The following ZSWIM2 variants were observed in gnomAD, a reference collection of about 807,000 sequenced individuals.
ZSWIM2 encodes E3 ubiquitin-protein ligase ZSWIM2.
A neutral mutation model predicts 48.4 loss-of-function variants in ZSWIM2; 38 were observed. The observed-to-expected ratio is 0.79, with a 90% CI of 0.61 to 1.03. ZSWIM2 has a LOEUF of 1.03. Among genes scored for constraint, ZSWIM2 ranks in the 50% least tolerant of loss-of-function variants. ZSWIM2 has a pLI of 0.00. For missense variants in ZSWIM2, 776 were observed against 730.2 expected, an observed-to-expected ratio of 1.06 and a Z score of -0.72; for synonymous variants, 240 against 251.3, an observed-to-expected ratio of 0.96 and a Z score of 0.42.
At position 186,827,972 on chromosome 2, in the gene ZSWIM2, T is replaced by C; in HGVS notation, c.*12A>G. 3 of 1,532,200 alleles carry C rather than the reference T, an allele frequency of 2.0e-6. No homozygotes were observed. The South Asian group carries it at 3.9e-5, about 20-fold the overall frequency. 94.9% of individuals were successfully genotyped at this position (1,532,200 alleles called of 1,614,324 possible). A position where few individuals can be genotyped will look rare whatever the true frequency, so the allele number is the denominator to read the frequency against. On this transcript the variant is annotated 3_prime_UTR_variant, in exon 9 of 9. Transcript: ENST00000295131. ...TATTCAACATTCAAATATTTTCAGA[T>C]AGTAAACTTTTTCACAATTGAACTC...
chr2:186,834,173 C>T, intron 5 of ZSWIM2, 143 bp from the exon 6 acceptor site: 2 of 604,696 alleles, frequency 3.3e-6, no homozygotes, highest in South Asian at 4.1e-5. Context: ...GTATTAGTTT[C>T]CTGTTGCTGC....
At chr2:186,843,745 C>T (rs980408574) in intron 3 of ZSWIM2, among the ~76,000 whole-genome samples, 24 of 151,648 alleles carry the variant, frequency 1.6e-4, no homozygotes, top group African/African-American at 5.5e-4. Context: ...ACTGGAAATA[C>T]TGGTCTGCTG....
chr2:186,832,919 TG>T (rs1424004128), intron 7 of ZSWIM2, among the ~76,000 whole-genome samples, 200 bp downstream of exon 7: 1 of 152,128 alleles, frequency 6.6e-6, no homozygotes, highest in East Asian at 1.9e-4. Context: ...ACATAGCCAA[TG>T]TGTAGTTGAA....
rs1691965777 is a variant in ZSWIM2 at position 186,844,745 on chromosome 2, T to G, written c.255A>C (p.Lys85Asn). The change falls in exon 3 of 9, where the codon AAA becomes AAC. Residue 85 changes from lysine to asparagine, a missense_variant. Lys to Asn is a moderately conservative substitution (Grantham distance 94). Transcript: ENST00000295131. ...CATGGTTCCTTGGAAGCTTGAATTTTTTCAACAAGACCCTAACATTCACAA... is the reference window on the plus strand; with the variant it reads ...CATGGTTCCTTGGAAGCTTGAATTTGTTCAACAAGACCCTAACATTCACAA... ...LCKHICWVLL[K>N]KFKLPRNHES... 4 of 1,565,054 alleles carry G rather than the reference T, an allele frequency of 2.6e-6. No homozygotes were observed. In the African/African-American group the frequency reaches 5.6e-5, roughly 22 times the overall value.
chr2:186,834,297 G>C (rs555869014), intron 5 of ZSWIM2, among the ~76,000 whole-genome samples: 1 of 152,244 alleles, frequency 6.6e-6, no homozygotes, highest in African/African-American at 2.4e-5. Flanking sequence ...GGTTGGCAGG[G>C]CTGTGTTACT....
At chr2:186,831,058 T>G (rs1325060216) in intron 7 of ZSWIM2, among the ~76,000 whole-genome samples, 1 of 152,164 alleles carries the variant, frequency 6.6e-6, no homozygotes, top group Non-Finnish European at 1.5e-5. Flanking sequence ...TATCCTGAAA[T>G]TCTCTTACTT....
At position 186,839,569 on chromosome 2, in the gene ZSWIM2, G is replaced by A. The variant is rs988326959; in HGVS notation, c.284-400C>T. On this transcript the variant is annotated intron_variant, in intron 3 of 8. Transcript: ENST00000295131. ...ATACATGAGGAGGAAACTGATATCCGAGTAGCTACTGTAATTATTTGTTAG... is the reference window on the plus strand; with the variant it reads ...ATACATGAGGAGGAAACTGATATCCAAGTAGCTACTGTAATTATTTGTTAG... Among the ~76,000 whole-genome samples the A allele has an allele frequency of 6.6e-5, 10 of 151,598 alleles. No homozygotes were observed. In the East Asian group the frequency reaches 9.6e-4, roughly 15 times the overall value.
At chr2:186,846,269 C>G (rs1413114619) in intron 2 of ZSWIM2, among the ~76,000 whole-genome samples, 2 of 151,830 alleles carry the variant, frequency 1.3e-5, no homozygotes, top group African/African-American at 4.8e-5. Flanking sequence ...CTATAAGGAA[C>G]TGAAACAACT....
intron 2 of ZSWIM2, among the ~76,000 whole-genome samples, chr2:186,846,877 C>A (rs1308598415): frequency 1.3e-5 from 2 of 150,592 alleles, no homozygotes; most frequent in Non-Finnish European, 3.0e-5. Context: ...TCTTTTGTAG[C>A]AGCATGGATG....
In ZSWIM2 at chr2:186,837,612, G is replaced by GTGTATATA. The variant is rs973596425; in HGVS notation, c.495-59_495-58insTATATACA. On this transcript the variant is annotated intron_variant, in intron 4 of 8. Coordinates refer to ENST00000295131, the MANE Select transcript of ZSWIM2 (RefSeq NM_182521.3). ...TATAGAGCAGTTTTACATATCCATT[G>GTGTATATA]TATATATATATATATATTATATATA... 1.6e-3 allele frequency: 798 copies of GTGTATATA among 488,054 alleles called. 5 individuals carry two copies. Among genetic ancestry groups the GTGTATATA allele is most frequent in the African/African-American group, 0.016 (749 of 47,168 alleles). The allele number at this position is 488,054 out of a possible 1,614,324, so 30.2% of individuals were successfully genotyped here. A position where few individuals can be genotyped will look rare whatever the true frequency, so the allele number is the denominator to read the frequency against.
At chr2:186,846,810 C>CACATATATATATATATATATATATATAT (rs1265650832) in intron 2 of ZSWIM2, among the ~76,000 whole-genome samples, 2 of 143,696 alleles carry the variant, frequency 1.4e-5, no homozygotes, top group African/African-American at 5.5e-5. Context: ...CACACACACA[C>CACATATATATATATATATATATATATAT]ATATATATAT....
At chr2:186,837,244 A>G (rs942143132) in intron 5 of ZSWIM2, 62 bp downstream of exon 5, 1 of 1,577,910 alleles carries the variant, frequency 6.3e-7, no homozygotes, top group African/African-American at 1.4e-5. Flanking sequence ...CTAATGCTCA[A>G]AGTTTCCTGA....
chr2:186,841,264 T>C lies in ZSWIM2; in HGVS notation c.284-2095A>G, dbSNP rs73037786. ...TGGTATTTTTCCTGCTTTGTGTGGC[T>C]TTCTTTCCAAAATTATAGAAATATT... On this transcript the variant is annotated intron_variant, in intron 3 of 8. Coordinates refer to ENST00000295131, the MANE Select transcript of ZSWIM2 (RefSeq NM_182521.3). Among the ~76,000 whole-genome samples the C allele has an allele frequency of 9.8e-3, 1,491 of 151,610 alleles. 26 individuals carry two copies. The highest frequency in any genetic ancestry group is 0.034 in the African/African-American group (1,419 of 41,508).
rs151315016 is a variant in ZSWIM2 at position 186,828,596 on chromosome 2, T to C, written c.1290A>G (p.Gly430=). ...CAAGTCTATTTTGTTTTAAGACTAA[T>C]CCAGTACCAGGAATAAAAAGATCTG... ...KEPDLFIPGT[G]LVLKQNRLGI... The change falls in exon 9 of 9, where the codon GGA becomes GGG. Residue 430 remains glycine, a synonymous_variant. Transcript: ENST00000295131. 114 of 1,613,056 alleles carry C rather than the reference T, an allele frequency of 7.1e-5. No individual in the cohort carries two copies. The African/African-American group carries it at 1.4e-3, about 20-fold the overall frequency.
chr2:186,830,723 G>C (rs1276033660), intron 7 of ZSWIM2, among the ~76,000 whole-genome samples: 2 of 151,970 alleles, frequency 1.3e-5, no homozygotes, highest in African/African-American at 4.8e-5. Context: ...AAAAGTACCA[G>C]CTCCATTTTT....
chr2:186,830,314 G>T (rs1012417458), intron 7 of ZSWIM2, among the ~76,000 whole-genome samples: 2 of 152,090 alleles, frequency 1.3e-5, no homozygotes, highest in Admixed American at 1.3e-4. Flanking sequence ...CCCAGGAGGT[G>T]GAGGTTGCAG....
Position 186,833,947 on chromosome 2 carries a change from T to C in ZSWIM2, c.827A>G (p.Glu276Gly), listed in dbSNP as rs754140555. 4 of 1,610,906 alleles carry C rather than the reference T, an allele frequency of 2.5e-6. No homozygotes were observed. In the African/African-American group the frequency reaches 5.4e-5, roughly 22 times the overall value. Residue 276 changes from glutamate (E) to glycine (G), a missense_variant and splice_region_variant, in exon 6 of 9, where the codon GAG (glutamate) becomes GGG (glycine). Coordinates refer to ENST00000295131, the MANE Select transcript of ZSWIM2 (RefSeq NM_182521.3). ...TTAGATTCAAGATGGATACTGTACC[T>C]CACGAAATGTAAACGTGTGGGAAAG... Reference protein sequence around the residue: ...CHLSHTFTFREKRNQKWRSLE... With the variant: ...CHLSHTFTFRGKRNQKWRSLE...
At chr2:186,838,517 T>A (rs1007909650) in intron 4 of ZSWIM2, among the ~76,000 whole-genome samples, 4 of 149,994 alleles carry the variant, frequency 2.7e-5, no homozygotes, top group African/African-American at 9.7e-5. Context: ...GTGTATAAAA[T>A]AAAAACACAG....
At position 186,844,831 on chromosome 2, in the gene ZSWIM2, TA is replaced by T. The variant is rs567859954; in HGVS notation, c.243-75del. On this transcript the variant is annotated intron_variant, in intron 2 of 8. Transcript: ENST00000295131. ...AACTCAAAAGACATTTAAAAATATT[TA>T]GAATAGAAATTGAATTATAAGATTT... The T allele has an allele frequency of 2.0e-4, 245 of 1,255,300 alleles. 1 individual carries two copies. The African/African-American group carries it at 3.4e-3, about 17-fold the overall frequency. The allele number at this position is 1,255,300 out of a possible 1,614,324, so 77.8% of individuals were successfully genotyped here.
Sources: allele counts gnomAD v4.1 joint callset (sites outside exome capture counted in the v4.1 genomes callset), GRCh38; gene constraint gnomAD v4.1.1; transcripts MANE v1.5; gene names NCBI Gene and HGNC (gene_info 2026-07-23, HGNC 2026-07-21).